Variants in TBC1D22A observed in about 807,000 individuals in gnomAD.
The protein encoded by TBC1D22A is TBC1 domain family member 22A.
Under a neutral mutation model 60.2 loss-of-function variants are expected in TBC1D22A, and 38 were observed. The observed-to-expected ratio is 0.63, with a 90% CI of 0.49 to 0.83. The LOEUF is 0.83. Ranked by LOEUF, TBC1D22A falls within the 40% of genes least tolerant of loss-of-function variation. The pLI is 0.00. For synonymous variants in TBC1D22A, 302 were observed against 281.7 expected, an observed-to-expected ratio of 1.07 and a Z score of -0.72; for missense variants, 628 against 701.0, an observed-to-expected ratio of 0.90 and a Z score of 1.18.
At chr22:46,858,032 G>C (rs1006913595) in intron 4 of TBC1D22A, among the ~76,000 whole-genome samples, 3 of 152,164 alleles carry the variant, frequency 2.0e-5, no homozygotes, top group Non-Finnish European at 4.4e-5. Context: ...TCCATGTTGA[G>C]CATCGCCAGG....
chr22:47,128,009 T>C (rs2066532220), intron 12 of TBC1D22A, among the ~76,000 whole-genome samples: 1 of 28,176 alleles, frequency 3.5e-5, no homozygotes, highest in Non-Finnish European at 6.9e-5. Flanking sequence ...ACCCCACCCA[T>C]CCCCCCATCC....
chr22:46,958,177 A>G (rs62232719), intron 8 of TBC1D22A, among the ~76,000 whole-genome samples: 8,780 of 152,048 alleles, frequency 0.058, 377 homozygotes, highest in Non-Finnish European at 0.091. Flanking sequence ...TTATATTTCT[A>G]CATGGCACCC....
At position 47,004,355 on chromosome 22, in the gene TBC1D22A, TATAC is replaced by T. The variant is rs1464999949; in HGVS notation, c.1201+6652_1201+6655del. On this transcript the variant is annotated intron_variant, in intron 10 of 12. Transcript: ENST00000337137. ...TATACATGCGTCTGCCACATACACA[TATAC>T]ATACACTCCTATATACACACACCCC... Among the ~76,000 whole-genome samples the T allele has an allele frequency of 2.7e-5, 4 of 148,968 alleles. No individual in the cohort carries two copies. The South Asian group carries it at 8.5e-4, about 32-fold the overall frequency.
chr22:47,086,156 C>T (rs540604781), intron 11 of TBC1D22A, among the ~76,000 whole-genome samples: 6 of 152,298 alleles, frequency 3.9e-5, no homozygotes, highest in African/African-American at 1.2e-4. Context: ...CCATTTTCTA[C>T]CGTAAATTAA....
At chr22:46,816,441 A>G (rs528989493) in intron 4 of TBC1D22A, among the ~76,000 whole-genome samples, 1 of 152,238 alleles carries the variant, frequency 6.6e-6, no homozygotes, top group Admixed American at 6.5e-5. Flanking sequence ...TTCTCTAAGC[A>G]CTGAATGAAG....
chr22:46,925,688 A>G (rs931965941), intron 8 of TBC1D22A, among the ~76,000 whole-genome samples: 4 of 152,216 alleles, frequency 2.6e-5, no homozygotes, highest in East Asian at 1.9e-4. Flanking sequence ...ACCATTTTCC[A>G]GTGTCATTCA....
At chr22:46,781,540 T>TA (rs2146801859) in intron 1 of TBC1D22A, among the ~76,000 whole-genome samples, 2 of 152,274 alleles carry the variant, frequency 1.3e-5, no homozygotes, top group African/African-American at 4.8e-5. Flanking sequence ...GGGTTCCCCT[T>TA]ACGAGTGGTG....
intron 12 of TBC1D22A, among the ~76,000 whole-genome samples, chr22:47,131,720 G>T (rs150340283): frequency 9.3e-4 from 142 of 152,340 alleles, no homozygotes; most frequent in African/African-American, 3.1e-3. Context: ...GCAGTGACAG[G>T]CCCCTTCTCA....
chr22:46,957,203 C>T (rs136083), intron 8 of TBC1D22A, among the ~76,000 whole-genome samples: 29,046 of 152,222 alleles, frequency 0.19, 2,983 homozygotes, highest in East Asian at 0.27. Context: ...CCTGGGCATA[C>T]AGCTGTTTGG....
At chr22:46,918,786 T>C (rs1331717791) in intron 8 of TBC1D22A, among the ~76,000 whole-genome samples, 1 of 152,196 alleles carries the variant, frequency 6.6e-6, no homozygotes, top group Non-Finnish European at 1.5e-5. Context: ...TGGGGAAGAT[T>C]GCACTCAGTG....
At chr22:47,140,336 C>T (rs1385869752) in intron 12 of TBC1D22A, among the ~76,000 whole-genome samples, 1 of 151,910 alleles carries the variant, frequency 6.6e-6, no homozygotes, top group Non-Finnish European at 1.5e-5. Flanking sequence ...CTTTGGGAGG[C>T]TGAGGTGGGC....
At chr22:47,058,594 C>A (rs996373180) in intron 11 of TBC1D22A, among the ~76,000 whole-genome samples, 1 of 151,970 alleles carries the variant, frequency 6.6e-6, no homozygotes, top group Non-Finnish European at 1.5e-5. Flanking sequence ...AGGCCACTGT[C>A]CCCTGGTTCC....
At chr22:47,075,807 C>G (rs1374160275) in intron 11 of TBC1D22A, among the ~76,000 whole-genome samples, 4 of 151,442 alleles carry the variant, frequency 2.6e-5, no homozygotes, top group Non-Finnish European at 4.4e-5. Context: ...GACACACACA[C>G]ACACACACAT....
chr22:46,969,605 G>T (rs142298938), intron 8 of TBC1D22A, among the ~76,000 whole-genome samples: 106 of 152,328 alleles, frequency 7.0e-4, no homozygotes, highest in African/African-American at 2.4e-3. Flanking sequence ...ACATTTTGTT[G>T]TGGTCCACTT....
intron 1 of TBC1D22A, among the ~76,000 whole-genome samples, chr22:46,785,031 T>A (rs1303609792): frequency 6.6e-6 from 1 of 152,212 alleles, no homozygotes; most frequent in East Asian, 1.9e-4. Flanking sequence ...GAAAAGGACA[T>A]GACAGATAGA....
chr22:46,844,721 A>T (rs2086916764), intron 4 of TBC1D22A, among the ~76,000 whole-genome samples: 2 of 152,192 alleles, frequency 1.3e-5, no homozygotes, highest in African/African-American at 4.8e-5. Context: ...CCCAGTTGTA[A>T]TGAAGCCCTC....
intron 11 of TBC1D22A, among the ~76,000 whole-genome samples, chr22:47,100,930 C>T (rs1467433399): frequency 1.3e-5 from 2 of 152,162 alleles, no homozygotes; most frequent in African/African-American, 2.4e-5. Flanking sequence ...GTTAGAGCCT[C>T]GGCTGAATGA....
chr22:46,962,134 G>A (rs143679903), intron 8 of TBC1D22A, among the ~76,000 whole-genome samples: 1 of 152,290 alleles, frequency 6.6e-6, no homozygotes, highest in Non-Finnish European at 1.5e-5. Context: ...GGATCCCAGC[G>A]GAGGACAGCT....
rs768924971 is a variant in TBC1D22A, at chr22:46,878,697, C to G, written c.682C>G (p.Arg228Gly). ...LSWSGIPKPV[R>G]PMTWKLLSGY... ...CTGGTCCGGAATCCCTAAGCCAGTG[C>G]GTCCAATGACGTGGAAGCTCCTCTC... The change falls in exon 5 of 13, where the codon CGT (arginine) becomes GGT (glycine). Residue 228 changes from arginine (R) to glycine (G), a missense_variant. Transcript: ENST00000337137. 6.2e-7 allele frequency: 1 copy of G among 1,613,096 alleles called. No individual in the cohort carries two copies. The highest frequency in any genetic ancestry group is 8.5e-7 in the Non-Finnish European group (1 of 1,179,822).
Sources: allele counts gnomAD v4.1 joint callset (sites outside exome capture counted in the v4.1 genomes callset), GRCh38; gene constraint gnomAD v4.1.1; transcripts MANE v1.5; gene names NCBI Gene and HGNC (gene_info 2026-07-23, HGNC 2026-07-21).